Variants in GABRG3 observed in about 807,000 individuals in gnomAD.
GABRG3 encodes the protein gamma-aminobutyric acid receptor subunit gamma-3.
Under a neutral mutation model 48.8 loss-of-function variants are expected in GABRG3, and 25 were observed. The ratio of observed to expected loss-of-function variants is 0.51; its 90% CI spans 0.37 to 0.72. GABRG3 has a LOEUF of 0.72. GABRG3 is among the 30% of genes least tolerant of loss of function. GABRG3 has a pLI of 0.00. For synonymous variants in GABRG3, 227 were observed against 217.6 expected (o/e 1.04, Z -0.38); for missense variants, 394 against 577.9 (o/e 0.68, Z 3.26).
At chr15:27,269,532 G>T (rs113607799) in intron 3 of GABRG3, among the ~76,000 whole-genome samples, 1 of 152,192 alleles carries the variant, frequency 6.6e-6, no homozygotes, top group African/African-American at 2.4e-5. Flanking sequence ...TCGCTCTTGT[G>T]TTTGCACTGC....
At chr15:27,178,740 G>A (rs970018999) in intron 3 of GABRG3, among the ~76,000 whole-genome samples, 3 of 152,150 alleles carry the variant, frequency 2.0e-5, no homozygotes. Context: ...GGAAAATACA[G>A]CAAGGCATAT....
chr15:27,528,276 G>A (rs1891330604), intron 9 of GABRG3, among the ~76,000 whole-genome samples: 1 of 152,096 alleles, frequency 6.6e-6, no homozygotes, highest in Non-Finnish European at 1.5e-5. Context: ...ATGCATTTTA[G>A]CAAAACTGAA....
chr15:27,188,780 T>C (rs1888190290), intron 3 of GABRG3, among the ~76,000 whole-genome samples: 1 of 152,240 alleles, frequency 6.6e-6, no homozygotes, highest in African/African-American at 2.4e-5. Context: ...GCTTTTGGTG[T>C]TTTACACATG....
At chr15:27,288,146 C>T (rs1405799236) in intron 3 of GABRG3, among the ~76,000 whole-genome samples, 1 of 152,008 alleles carries the variant, frequency 6.6e-6, no homozygotes. Flanking sequence ...ATGTCTACTT[C>T]TCAATCTCTG....
chr15:27,164,528 A>G lies in GABRG3; in HGVS notation c.270+137707A>G, dbSNP rs116410089. Among the ~76,000 whole-genome samples, 1,177 of 152,336 alleles carry G rather than the reference A, an allele frequency of 7.7e-3. 11 individuals are homozygous for G. The highest frequency in any genetic ancestry group is 0.027 in the African/African-American group (1,115 of 41,568). On this transcript the variant is annotated intron_variant, in intron 3 of 9. Coordinates refer to ENST00000615808, the MANE Select transcript of GABRG3 (RefSeq NM_033223.5). ...CATAGCTTTGATCCAGGTTTGATCC[A>G]GGAATCAAAGCTTCACCCTTGACAT...
intron 3 of GABRG3, among the ~76,000 whole-genome samples, chr15:27,147,728 G>A (rs1423512088): frequency 6.6e-6 from 1 of 151,826 alleles, no homozygotes; most frequent in Non-Finnish European, 1.5e-5. Context: ...AATAAAAAGT[G>A]GGTCAAATAA....
intron 5 of GABRG3, among the ~76,000 whole-genome samples, chr15:27,478,232 A>G (rs183285575): frequency 6.6e-6 from 1 of 152,326 alleles, no homozygotes; most frequent in African/African-American, 2.4e-5. Context: ...AACCACAGAA[A>G]GGGAGAAAAT....
intron 3 of GABRG3, among the ~76,000 whole-genome samples, chr15:27,059,093 C>T (rs1350698239): frequency 1.3e-5 from 2 of 152,226 alleles, no homozygotes; most frequent in African/African-American, 2.4e-5. Context: ...CTGAAGTGAG[C>T]ATTTCAGGCT....
chr15:27,200,772 G>T (rs1454996110), intron 3 of GABRG3, among the ~76,000 whole-genome samples: 1 of 152,122 alleles, frequency 6.6e-6, no homozygotes, highest in East Asian at 1.9e-4. Flanking sequence ...ACTCACAAAA[G>T]CTGGCCTCGG....
At chr15:27,450,548 GA>G (rs1215111642) in intron 5 of GABRG3, among the ~76,000 whole-genome samples, 1 of 152,050 alleles carries the variant, frequency 6.6e-6, no homozygotes, top group Non-Finnish European at 1.5e-5. Context: ...ATTAGGTGTA[GA>G]AAAAATGTAC....
chr15:27,148,919 C>A (rs904038260), intron 3 of GABRG3, among the ~76,000 whole-genome samples: 2 of 151,976 alleles, frequency 1.3e-5, no homozygotes, highest in African/African-American at 2.4e-5. Context: ...CTAAAAGTGT[C>A]CATCTTAAGA....
intron 5 of GABRG3, among the ~76,000 whole-genome samples, chr15:27,336,561 A>G (rs1264978899): frequency 6.6e-6 from 1 of 152,216 alleles, no homozygotes; most frequent in Non-Finnish European, 1.5e-5. Context: ...AAACCTGGAT[A>G]CACTGCTGGT....
chr15:27,407,328 A>T (rs1418699227), intron 5 of GABRG3, among the ~76,000 whole-genome samples: 3 of 152,214 alleles, frequency 2.0e-5, no homozygotes, highest in African/African-American at 7.2e-5. Flanking sequence ...GCTGGCAAGG[A>T]TATGGAGCAG....
At chr15:27,272,214 G>A (rs1891113761) in intron 3 of GABRG3, among the ~76,000 whole-genome samples, 1 of 152,240 alleles carries the variant, frequency 6.6e-6, no homozygotes, top group Admixed American at 6.5e-5. Flanking sequence ...GACAAAAGGA[G>A]TTTTAGCTAT....
chr15:27,540,897 A>G lies in GABRG3; in HGVS notation c.*8016A>G, dbSNP rs1470684142. On this transcript the variant is annotated 3_prime_UTR_variant, in exon 10 of 10. Coordinates refer to ENST00000615808, the MANE Select transcript of GABRG3 (RefSeq NM_033223.5). ...ACTTATTAATAATGTGTGTCACTCTACCCATCACCCCAAATTTAGCTGAAA... is the reference window on the plus strand; with the variant it reads ...ACTTATTAATAATGTGTGTCACTCTGCCCATCACCCCAAATTTAGCTGAAA... 2.0e-5 allele frequency: 3 copies of G among 152,168 alleles called. No individual in the cohort carries two copies. Among genetic ancestry groups the G allele is most frequent in the African/African-American group, 7.2e-5 (3 of 41,436 alleles). 9.4% of individuals were successfully genotyped at this position (152,168 alleles called of 1,614,324 possible). A position where few individuals can be genotyped will look rare whatever the true frequency, so the allele number is the denominator to read the frequency against.
At chr15:27,110,223 G>A (rs980278419) in intron 3 of GABRG3, among the ~76,000 whole-genome samples, 2 of 151,742 alleles carry the variant, frequency 1.3e-5, no homozygotes, top group African/African-American at 4.8e-5. Flanking sequence ...CCAATACATG[G>A]CTTAAAATAA....
intron 7 of GABRG3, among the ~76,000 whole-genome samples, chr15:27,525,268 A>G (rs180973819): frequency 6.6e-6 from 1 of 152,206 alleles, no homozygotes; most frequent in East Asian, 1.9e-4. Context: ...AGATGCCAGG[A>G]TTTATATTCA....
intron 5 of GABRG3, among the ~76,000 whole-genome samples, chr15:27,432,624 C>T (rs1888490455): frequency 6.6e-6 from 1 of 152,144 alleles, no homozygotes; most frequent in Non-Finnish European, 1.5e-5. Flanking sequence ...TCAGGTTTTT[C>T]CAGAACACAT....
At chr15:27,522,892 A>C (rs537647733) in intron 7 of GABRG3, among the ~76,000 whole-genome samples, 1 of 151,914 alleles carries the variant, frequency 6.6e-6, no homozygotes, top group Admixed American at 6.5e-5. Flanking sequence ...GTGTACACAA[A>C]CAAGCACATT....
Sources: allele counts gnomAD v4.1 joint callset (sites outside exome capture counted in the v4.1 genomes callset), GRCh38; gene constraint gnomAD v4.1.1; transcripts MANE v1.5; gene names NCBI Gene and HGNC (gene_info 2026-07-23, HGNC 2026-07-21).